Variants in NT5C2 observed in about 807,000 individuals in gnomAD.
NT5C2 encodes the protein 5'-nucleotidase, cytosolic II, also known as cytosolic purine 5'-nucleotidase.
In NT5C2, 58 loss-of-function variants were observed where a neutral mutation model predicts 76.1. That is an observed-to-expected ratio of 0.76 (90% CI 0.62 to 0.95). The LOEUF is 0.95. Ranked by LOEUF, NT5C2 falls within the 40% of genes least tolerant of loss-of-function variation. The pLI, the probability that NT5C2 is intolerant of heterozygous loss-of-function variation, is 0.00. For missense variants in NT5C2, 478 were observed against 690.3 expected (o/e 0.69, Z 3.45); for synonymous variants, 229 against 237.4 (o/e 0.96, Z 0.32).
chr10:103,170,485 T>C (rs1360142000), intron 3 of NT5C2, among the ~76,000 whole-genome samples: 3 of 151,300 alleles, frequency 2.0e-5, no homozygotes, highest in African/African-American at 7.3e-5. Flanking sequence ...GTATACTCAT[T>C]CAGGCTATGA....
chr10:103,184,741 A>C (rs1020445931), intron 1 of NT5C2, among the ~76,000 whole-genome samples: 2 of 152,242 alleles, frequency 1.3e-5, no homozygotes. Context: ...TGGTTCACAA[A>C]TACATAAGAT....
chr10:103,151,201 C>G (rs768900747), intron 3 of NT5C2, among the ~76,000 whole-genome samples: 20 of 152,030 alleles, frequency 1.3e-4, no homozygotes, highest in Non-Finnish European at 2.4e-4. Flanking sequence ...CAGTGGCTCA[C>G]GCCTGTAATC....
chr10:103,153,232 T>C, intron 3 of NT5C2: 1 of 1,169,826 alleles, frequency 8.5e-7, no homozygotes, highest in South Asian at 1.3e-5. Flanking sequence ...TTTTAATTCA[T>C]GCAGATGATA....
Position 103,102,675 on chromosome 10 carries a change from TAA to T in NT5C2, c.390-1351_390-1350del, listed in dbSNP as rs372926246. 5.4e-4 allele frequency among the ~76,000 whole-genome samples: 82 copies of T among 151,940 alleles called. No homozygotes were observed. The Middle Eastern group carries it at 0.01, about 19-fold the overall frequency. ...TGAGCAGATTTGGCTGGGGGAACATTAAAGAGTCAAAGATGATGATGTCCATG... is the reference window on the plus strand; with the variant it reads ...TGAGCAGATTTGGCTGGGGGAACATTAGAGTCAAAGATGATGATGTCCATG... On this transcript the variant is annotated intron_variant, in intron 6 of 18. Transcript: ENST00000404739.
At chr10:103,130,621 T>G (rs2077990343) in intron 4 of NT5C2, among the ~76,000 whole-genome samples, 1 of 150,118 alleles carries the variant, frequency 6.7e-6, no homozygotes, top group South Asian at 2.1e-4. Context: ...TTTACAAGTT[T>G]AGAATTATTA....
intron 3 of NT5C2, among the ~76,000 whole-genome samples, chr10:103,157,215 C>G (rs1050773842): frequency 6.6e-6 from 1 of 150,928 alleles, no homozygotes; most frequent in African/African-American, 2.4e-5. Flanking sequence ...ATACAAATAC[C>G]CTAACCATGC....
intron 2 of NT5C2, among the ~76,000 whole-genome samples, chr10:103,177,230 A>C (rs1044604272): frequency 5.9e-5 from 9 of 152,206 alleles, no homozygotes; most frequent in Non-Finnish European, 1.2e-4. Flanking sequence ...ATGAACAAAA[A>C]GAAGGAATAA....
Position 103,089,981 on chromosome 10 carries a change from TC to T in NT5C2, c.1450-74del, listed in dbSNP as rs1203573423. On this transcript the variant is annotated intron_variant, in intron 18 of 18. Transcript: ENST00000404739. The stretch of plus-strand genomic sequence containing the variant: ...GCTACTCCCCAAATCCTAACCCCTC[TC>T]CTCTGTTAGGTGGCCATGCAATTAC... The T allele has an allele frequency of 1.1e-5, 14 of 1,252,874 alleles. No individual in the cohort carries two copies. The Middle Eastern group carries it at 5.8e-4, about 52-fold the overall frequency. 77.6% of individuals were successfully genotyped at this position (1,252,874 alleles called of 1,614,324 possible). A position where few individuals can be genotyped will look rare whatever the true frequency, so the allele number is the denominator to read the frequency against.
chr10:103,125,451 A>AC, intron 4 of NT5C2: 1 of 260,744 alleles, frequency 3.8e-6, no homozygotes, highest in South Asian at 4.0e-5. Context: ...AAAGAAAAAA[A>AC]AATCACTTCT....
At chr10:103,174,782 C>T in intron 3 of NT5C2, 76 bp downstream of exon 3, 2 of 943,824 alleles carry the variant, frequency 2.1e-6, no homozygotes, top group Admixed American at 1.7e-5. Flanking sequence ...CCTCTCTGTA[C>T]ATTAATTTCA....
chr10:103,132,055 A>G (rs1259398501), intron 4 of NT5C2, among the ~76,000 whole-genome samples: 3 of 152,192 alleles, frequency 2.0e-5, no homozygotes, highest in African/African-American at 7.2e-5. Flanking sequence ...AGCCTGACCA[A>G]CACGGTGAAA....
At position 103,101,330 on chromosome 10, in the gene NT5C2, A is replaced by C. The variant is rs2069576993; in HGVS notation, c.390-4T>G. The C allele has an allele frequency of 6.5e-7, 1 of 1,529,568 alleles. No individual in the cohort carries two copies. Among genetic ancestry groups the C allele is most frequent in the South Asian group, 1.2e-5 (1 of 86,006 alleles). 94.7% of individuals were successfully genotyped at this position (1,529,568 alleles called of 1,614,324 possible). A position where few individuals can be genotyped will look rare whatever the true frequency, so the allele number is the denominator to read the frequency against. ...ATACTGTTCTCTAGTTTCTGGTCTG[A>C]AAGAAAAATTTAAAAATTAACTGAT... On this transcript the variant is annotated splice_polypyrimidine_tract_variant and splice_region_variant and intron_variant, in intron 6 of 18. Transcript: ENST00000404739.
At chr10:103,146,380 C>T in intron 3 of NT5C2, 1 of 985,360 alleles carries the variant, frequency 1.0e-6, no homozygotes, top group Non-Finnish European at 1.2e-6. Context: ...AGTGCAACAA[C>T]AAATGAGACT....
At chr10:103,168,384 C>T (rs2086934291) in intron 3 of NT5C2, among the ~76,000 whole-genome samples, 1 of 152,172 alleles carries the variant, frequency 6.6e-6, no homozygotes, top group African/African-American at 2.4e-5. Context: ...AACTAAATAC[C>T]TGACTTCGGT....
intron 4 of NT5C2, among the ~76,000 whole-genome samples, chr10:103,114,873 A>G (rs796575026): frequency 6.6e-6 from 1 of 152,238 alleles, no homozygotes; most frequent in East Asian, 1.9e-4. Flanking sequence ...TGACAGAATC[A>G]CAACATCCTC....
At chr10:103,106,122 G>A (rs545558342) in intron 5 of NT5C2, among the ~76,000 whole-genome samples, 1 of 152,162 alleles carries the variant, frequency 6.6e-6, no homozygotes, top group Non-Finnish European at 1.5e-5. Flanking sequence ...GGACAACTGA[G>A]AAGGCTTATA....
intron 4 of NT5C2, among the ~76,000 whole-genome samples, chr10:103,129,095 T>C (rs1170215830): frequency 2.9e-5 from 3 of 104,326 alleles, no homozygotes; most frequent in Non-Finnish European, 6.1e-5. Flanking sequence ...GCCCCCCACC[T>C]GGCCAGCCGT....
intron 4 of NT5C2, among the ~76,000 whole-genome samples, chr10:103,135,503 G>A (rs752492989): frequency 5.3e-5 from 8 of 152,120 alleles, no homozygotes; most frequent in African/African-American, 1.2e-4. Flanking sequence ...GGTTGGGCTC[G>A]GTGGCTCACG....
At chr10:103,149,982 T>G (rs1308267567) in intron 3 of NT5C2, among the ~76,000 whole-genome samples, 1 of 110,428 alleles carries the variant, frequency 9.1e-6, no homozygotes, top group Non-Finnish European at 2.0e-5. Flanking sequence ...CCCAAAGATA[T>G]CCTTTTGAAT....
Sources: allele counts gnomAD v4.1 joint callset (sites outside exome capture counted in the v4.1 genomes callset), GRCh38; gene constraint gnomAD v4.1.1; transcripts MANE v1.5; gene names NCBI Gene and HGNC (gene_info 2026-07-23, HGNC 2026-07-21).